The following RARB variants were observed in gnomAD, a reference collection of about 807,000 sequenced individuals.
RARB encodes the protein HBV-activated protein.
A neutral mutation model predicts 51.9 loss-of-function variants in RARB; 17 were observed. The observed-to-expected ratio is 0.33, with a 90% confidence interval of 0.22 to 0.49. The LOEUF is 0.49. Ranked by LOEUF, RARB falls within the 20% of genes least tolerant of loss-of-function variation. RARB has a pLI of 0.99. For missense variants in RARB, 369 were observed against 550.8 expected (o/e 0.67, Z 3.30); for synonymous variants, 215 against 195.4 (o/e 1.10, Z -0.84).
intron 2 of RARB, among the ~76,000 whole-genome samples, chr3:25,483,848 G>A (rs528181448): frequency 1.1e-4 from 17 of 152,150 alleles, no homozygotes; most frequent in African/African-American, 3.1e-4. Flanking sequence ...ACAGGGAGTC[G>A]GATAAAGAAA....
At position 24,832,628 on chromosome 3, in the gene RARB, A is replaced by ATATATATATATATATATATATATATATAT. The variant is rs1559366440; in HGVS notation, c.-459+3225_-459+3226insTATATATATATATATATATATATATATAT. Among the ~76,000 whole-genome samples, 106 of 88,408 alleles carry ATATATATATATATATATATATATATATAT rather than the reference A, an allele frequency of 1.2e-3. 2 individuals are homozygous for ATATATATATATATATATATATATATATAT. Among genetic ancestry groups the ATATATATATATATATATATATATATATAT allele is most frequent in the Non-Finnish European group, 1.5e-3 (67 of 45,296 alleles). 58.0% of individuals were successfully genotyped at this position (88,408 alleles called of 152,430 possible). A position where few individuals can be genotyped will look rare whatever the true frequency, so the allele number is the denominator to read the frequency against. ...CTGTATTTAGAAAAAATTGAGTCCC[A>ATATATATATATATATATATATATATATAT]ATATATATATATATATATATATAAT... On this transcript the variant is annotated intron_variant, in intron 1 of 11. Coordinates refer to the RARB transcript ENST00000383772.
intron 3 of RARB, among the ~76,000 whole-genome samples, chr3:25,085,382 G>A (rs1227687503): frequency 6.6e-6 from 1 of 151,950 alleles, no homozygotes; most frequent in East Asian, 1.9e-4. Flanking sequence ...TCATGGAATG[G>A]GAAAAATCTG....
chr3:24,842,199 A>AT (rs1219542811), intron 1 of RARB, among the ~76,000 whole-genome samples: 1 of 152,186 alleles, frequency 6.6e-6, no homozygotes, highest in East Asian at 1.9e-4. Flanking sequence ...GATTATTTTC[A>AT]TTTTTTGGGT....
chr3:25,557,794 G>C (rs1214677273), intron 3 of RARB, among the ~76,000 whole-genome samples: 1 of 152,034 alleles, frequency 6.6e-6, no homozygotes, highest in African/African-American at 2.4e-5. Flanking sequence ...AAGTCTCCTT[G>C]GCCAAGTTCA....
chr3:25,458,899 AG>A (rs1179167177), intron 1 of RARB, among the ~76,000 whole-genome samples: 1 of 152,192 alleles, frequency 6.6e-6, no homozygotes. Flanking sequence ...AGGGACTCTT[AG>A]TGCTCAAAAT....
intron 2 of RARB, among the ~76,000 whole-genome samples, chr3:24,925,929 C>T (rs1695311431): frequency 6.6e-6 from 1 of 152,050 alleles, no homozygotes; most frequent in African/African-American, 2.4e-5. Flanking sequence ...TTTGGTTTTA[C>T]AGTGACTTAT....
intron 5 of RARB, among the ~76,000 whole-genome samples, chr3:25,402,029 G>A (rs1434430854): frequency 6.6e-6 from 1 of 152,140 alleles, no homozygotes; most frequent in Non-Finnish European, 1.5e-5. Context: ...ACCCACCTCG[G>A]CTTCCCAAAG....
intron 2 of RARB, among the ~76,000 whole-genome samples, chr3:24,889,920 A>G (rs1259991654): frequency 2.0e-5 from 3 of 151,944 alleles, no homozygotes; most frequent in Admixed American, 2.0e-4. Context: ...AAAAAAAAAA[A>G]AAAGAAAAAG....
chr3:25,292,870 T>A (rs1405495280), intron 5 of RARB, among the ~76,000 whole-genome samples: 1 of 152,182 alleles, frequency 6.6e-6, no homozygotes, highest in Non-Finnish European at 1.5e-5. Flanking sequence ...TAGAAATAGC[T>A]TTTGCCTTAG....
At chr3:25,243,738 C>T (rs957656620) in intron 5 of RARB, among the ~76,000 whole-genome samples, 7 of 151,998 alleles carry the variant, frequency 4.6e-5, no homozygotes, top group African/African-American at 7.2e-5. Flanking sequence ...TTTTTCCCTT[C>T]GATGTTCATC....
chr3:25,000,352 T>G (rs1248538574), intron 2 of RARB, among the ~76,000 whole-genome samples: 1 of 152,174 alleles, frequency 6.6e-6, no homozygotes, highest in South Asian at 2.1e-4. Flanking sequence ...AGTAATACCA[T>G]GACCACTACC....
intron 5 of RARB, among the ~76,000 whole-genome samples, chr3:25,400,395 G>T (rs1377465562): frequency 9.2e-5 from 14 of 152,190 alleles, no homozygotes; most frequent in Admixed American, 9.2e-4. Flanking sequence ...GTAAGGGGAA[G>T]CAGTGGGGAA....
At chr3:25,590,637 A>C (rs1462707365) in intron 5 of RARB, among the ~76,000 whole-genome samples, 1 of 152,106 alleles carries the variant, frequency 6.6e-6, no homozygotes, top group Non-Finnish European at 1.5e-5. Context: ...CTCCAACCTC[A>C]GCCTGCCCAG....
intron 5 of RARB, among the ~76,000 whole-genome samples, chr3:25,231,514 T>G (rs1702175594): frequency 6.6e-6 from 1 of 152,184 alleles, no homozygotes; most frequent in African/African-American, 2.4e-5. Context: ...TCTTTTAGGT[T>G]ACTCCTCTAA....
intron 2 of RARB, among the ~76,000 whole-genome samples, chr3:24,934,507 G>T (rs1355052193): frequency 1.3e-5 from 2 of 152,008 alleles, no homozygotes; most frequent in African/African-American, 4.8e-5. Flanking sequence ...ATTTGGTCTT[G>T]TTCTATAAAT....
At chr3:25,331,875 C>T (rs1704907510) in intron 5 of RARB, among the ~76,000 whole-genome samples, 1 of 152,114 alleles carries the variant, frequency 6.6e-6, no homozygotes, top group South Asian at 2.1e-4. Flanking sequence ...TACAAACTAC[C>T]ATCAGAGAAT....
intron 5 of RARB, among the ~76,000 whole-genome samples, chr3:25,355,348 G>A (rs1236869875): frequency 6.6e-6 from 1 of 152,040 alleles, no homozygotes; most frequent in Admixed American, 6.6e-5. Flanking sequence ...TCTAAGGGCA[G>A]GGTTTTCCTT....
At chr3:25,115,150 T>C (rs1371587066) in intron 3 of RARB, among the ~76,000 whole-genome samples, 1 of 152,210 alleles carries the variant, frequency 6.6e-6, no homozygotes, top group Admixed American at 6.5e-5. Flanking sequence ...CACTGAGTGC[T>C]AGCTCCAGGT....
intron 5 of RARB, among the ~76,000 whole-genome samples, chr3:25,258,488 A>G (rs1238621328): frequency 6.6e-6 from 1 of 152,076 alleles, no homozygotes; most frequent in East Asian, 1.9e-4. Context: ...AGCAAGGGTA[A>G]AGAATTAGTC....
Sources: gnomAD v4.1 joint callset for allele counts (sites outside exome capture counted in the v4.1 genomes callset) on GRCh38, gnomAD v4.1.1 for gene constraint, MANE v1.5 for transcripts, NCBI Gene and HGNC (gene_info 2026-07-23, HGNC 2026-07-21) for gene names.